Variants in TENM3 observed in about 807,000 individuals in gnomAD.
TENM3 encodes the protein teneurin transmembrane protein 3, also known as teneurin-3.
A neutral mutation model predicts 255.1 loss-of-function variants in TENM3; 63 were observed. The ratio of observed to expected loss-of-function variants is 0.25; its 90% confidence interval spans 0.20 to 0.30. The LOEUF is 0.30. Among genes scored for constraint, TENM3 ranks in the 10% least tolerant of loss-of-function variants. The probability of loss-of-function intolerance (pLI) is 1.00; values close to 1 mark genes in which losing one functional copy is unlikely to be tolerated. For synonymous variants in TENM3, 1,306 were observed against 1,322.3 expected (o/e 0.99, Z 0.27); for missense variants, 2,929 against 3,461.1 (o/e 0.85, Z 3.86).
At chr4:182,483,753 A>C (rs1030501129) in intron 3 of TENM3, among the ~76,000 whole-genome samples, 1 of 152,148 alleles carries the variant, frequency 6.6e-6, no homozygotes, top group Non-Finnish European at 1.5e-5. Flanking sequence ...CTGTACAGGA[A>C]GTATGGCTGG....
intron 24 of TENM3, among the ~76,000 whole-genome samples, chr4:182,785,712 T>TA (rs397879537): frequency 0.24 from 14,198 of 60,072 alleles, 1,503 homozygotes; most frequent in Admixed American, 0.27. Context: ...TGTCTCAAGA[T>TA]AAAAAAAAAA....
At chr4:181,785,465 G>A in the TENM3 span, among the ~76,000 whole-genome samples, 1 of 152,054 alleles carries the variant, frequency 6.6e-6, no homozygotes, top group African/African-American at 2.4e-5. Flanking sequence ...TAAAAAGTGT[G>A]GTTCAGATTT....
chr4:182,730,981 T>C lies in TENM3; in HGVS notation c.2809T>C (p.Tyr937His). The change falls in exon 16 of 28, where the codon TAT becomes CAT. Residue 937 changes from tyrosine to histidine, a missense_variant. This residue lies in a region of TENM3 where 1,608 missense variants were observed against 1,884.4 expected (regional missense o/e 0.85). Transcript: ENST00000511685. Reference sequence around the variant, plus strand: ...TGTGTGGATTCCATGGAATGTCTTTTATGTGATGGATACCCTAGTCATGAA... The same window carrying C: ...TGTGTGGATTCCATGGAATGTCTTTCATGTGATGGATACCCTAGTCATGAA... ...HTVWIPWNVF[Y>H]VMDTLVMKKE... is the part of the protein sequence containing the mutation. The C allele has an allele frequency of 6.2e-7, 1 of 1,613,932 alleles. No individual in the cohort carries two copies. The highest frequency in any genetic ancestry group is 1.1e-5 in the South Asian group (1 of 91,068).
rs148044323 is a variant in TENM3, at chr4:182,721,534, C to CTGTG, written c.2368+7314_2368+7317dup. ...GTATAGAGACAAATCTGTAGCGAATCTGTGTGTGTGTGTGTGAGTGTGTAT... is the reference window on the plus strand; with the variant it reads ...GTATAGAGACAAATCTGTAGCGAATCTGTGTGTGTGTGTGTGTGTGAGTGTGTAT... On this transcript the variant is annotated intron_variant, in intron 13 of 27. Transcript: ENST00000511685. Among the ~76,000 whole-genome samples, 17 of 150,500 alleles carry CTGTG rather than the reference C, an allele frequency of 1.1e-4. No homozygotes were observed. The East Asian group carries it at 2.9e-3, about 26-fold the overall frequency.
At chr4:181,748,956 A>ACAT in the TENM3 span, among the ~76,000 whole-genome samples, 1 of 152,250 alleles carries the variant, frequency 6.6e-6, no homozygotes, top group African/African-American at 2.4e-5. Context: ...CATAAGTCAA[A>ACAT]CATATTTTTT....
At chr4:181,656,966 A>T in the TENM3 span, among the ~76,000 whole-genome samples, 1 of 152,242 alleles carries the variant, frequency 6.6e-6, no homozygotes, top group African/African-American at 2.4e-5. Flanking sequence ...TTTTCCAGTC[A>T]AGGAACCTGA....
the TENM3 span, among the ~76,000 whole-genome samples, chr4:181,706,395 A>G: frequency 5.9e-5 from 9 of 152,104 alleles, no homozygotes; most frequent in Non-Finnish European, 1.0e-4. Flanking sequence ...AATTCAGCCT[A>G]TAACAGTCAT....
chr4:181,915,096 G>A, the TENM3 span, among the ~76,000 whole-genome samples: 1 of 152,146 alleles, frequency 6.6e-6, no homozygotes, highest in Non-Finnish European at 1.5e-5. Context: ...GCCACACTAG[G>A]AGATCAGGAG....
rs989436119 is a variant in TENM3 at position 182,461,538 on chromosome 4, A to C, written c.511+114609A>C. 2.0e-5 allele frequency among the ~76,000 whole-genome samples: 3 copies of C among 152,206 alleles called. No individual in the cohort carries two copies. The South Asian group carries it at 6.2e-4, about 32-fold the overall frequency. On this transcript the variant is annotated intron_variant, in intron 3 of 27. Coordinates refer to ENST00000511685, the MANE Select transcript of TENM3 (RefSeq NM_001080477.4). ...TCCCTGGGAATTTAGCATAGAAAAC[A>C]ATCACACAGTAGTACGGTGTGTTTG...
chr4:181,798,667 A>G, the TENM3 span, among the ~76,000 whole-genome samples: 1 of 152,184 alleles, frequency 6.6e-6, no homozygotes, highest in African/African-American at 2.4e-5. Flanking sequence ...TCTGGTTCCC[A>G]AGTAATGTTT....
intron 3 of TENM3, among the ~76,000 whole-genome samples, chr4:182,431,606 G>A (rs551363281): frequency 6.6e-6 from 1 of 152,274 alleles, no homozygotes; most frequent in South Asian, 2.1e-4. Context: ...AAAGACAATT[G>A]AAATTTCTAC....
At chr4:182,492,460 G>A (rs1257556531) in intron 3 of TENM3, among the ~76,000 whole-genome samples, 2 of 152,116 alleles carry the variant, frequency 1.3e-5, no homozygotes, top group African/African-American at 2.4e-5. Flanking sequence ...ACATTTGCTC[G>A]AGGAGTTACT....
At chr4:182,331,321 G>A (rs561296692) in intron 2 of TENM3, among the ~76,000 whole-genome samples, 25 of 152,232 alleles carry the variant, frequency 1.6e-4, no homozygotes, top group Middle Eastern at 6.8e-3. Flanking sequence ...CGAGGTGGAT[G>A]GATCACTTGA....
chr4:181,983,980 G>A, the TENM3 span, among the ~76,000 whole-genome samples: 1 of 152,040 alleles, frequency 6.6e-6, no homozygotes, highest in Non-Finnish European at 1.5e-5. Context: ...TAGTCTATAT[G>A]AGTATCAGTT....
At chr4:182,085,758 A>G in the TENM3 span, among the ~76,000 whole-genome samples, 4 of 152,220 alleles carry the variant, frequency 2.6e-5, no homozygotes, top group Non-Finnish European at 5.9e-5. Context: ...ATAATGAAAA[A>G]CATATATTAT....
At chr4:181,996,172 A>AAAAT in the TENM3 span, among the ~76,000 whole-genome samples, 1 of 151,834 alleles carries the variant, frequency 6.6e-6, no homozygotes, top group African/African-American at 2.4e-5. Context: ...AAAAAAAAAA[A>AAAAT]AAAAATTACC....
the TENM3 span, among the ~76,000 whole-genome samples, chr4:181,994,197 T>A: frequency 6.6e-6 from 1 of 152,132 alleles, no homozygotes; most frequent in African/African-American, 2.4e-5. Flanking sequence ...TGTTTTACAA[T>A]AAGCAATAAA....
rs113857227 is a variant in TENM3, at chr4:182,308,137, T to C, written c.-75-15809T>C. On this transcript the variant is annotated intron_variant, in intron 1 of 27. Coordinates refer to ENST00000511685, the MANE Select transcript of TENM3 (RefSeq NM_001080477.4). ...ACTTACTCAAGAGCCTTTGTGTCCATTATTGGGAGGTGCCTCCTTTGAGCA... is the reference window on the plus strand; with the variant it reads ...ACTTACTCAAGAGCCTTTGTGTCCACTATTGGGAGGTGCCTCCTTTGAGCA... Among the ~76,000 whole-genome samples, 231 of 152,292 alleles carry C rather than the reference T, an allele frequency of 1.5e-3. 4 individuals carry two copies. Among genetic ancestry groups the C allele is most frequent in the African/African-American group, 5.2e-3 (216 of 41,564 alleles).
chr4:182,037,924 T>C, the TENM3 span, among the ~76,000 whole-genome samples: 4 of 152,094 alleles, frequency 2.6e-5, no homozygotes, highest in African/African-American at 7.2e-5. Context: ...CTCAAACTCT[T>C]AGGCTCAAGC....
Sources: gnomAD v4.1 joint callset for allele counts (sites outside exome capture counted in the v4.1 genomes callset) on GRCh38, gnomAD v4.1.1 for gene constraint, gnomAD v4.1.1 regional missense constraint, MANE v1.5 for transcripts, NCBI Gene and HGNC (gene_info 2026-07-23, HGNC 2026-07-21) for gene names.